Variants in MAP9 observed in about 807,000 individuals in gnomAD.
The protein encoded by MAP9 is microtubule associated protein 9.
A neutral mutation model predicts 75.2 loss-of-function variants in MAP9; 80 were observed. That is an observed-to-expected ratio of 1.06 (90% CI 0.89 to 1.28). MAP9 has a LOEUF of 1.28. MAP9 is among the 50% of genes most tolerant of loss of function. MAP9 has a pLI of 0.00. For synonymous variants in MAP9, 235 were observed against 237.3 expected, an observed-to-expected ratio of 0.99 and a Z score of 0.09; for missense variants, 753 against 719.9, an observed-to-expected ratio of 1.05 and a Z score of -0.53.
At chr4:155,370,585 A>G (rs1209413281) in intron 4 of MAP9, among the ~76,000 whole-genome samples, 1 of 152,132 alleles carries the variant, frequency 6.6e-6, no homozygotes, top group Non-Finnish European at 1.5e-5. Context: ...AAATGCTTGC[A>G]TGTCTTTTGA....
chr4:155,346,039 T>C lies in MAP9; in HGVS notation c.*1744A>G, dbSNP rs1224380165. ...ATAAAGTATTACAGTTCTGGCCATA[T>C]AGAAAGGGTTCTAGTTTTATCTATG... On this transcript the variant is annotated 3_prime_UTR_variant, in exon 14 of 14. Transcript: ENST00000311277. 2.6e-5 allele frequency: 4 copies of C among 152,196 alleles called. No homozygotes were observed. Among genetic ancestry groups the C allele is most frequent in the Non-Finnish European group, 5.9e-5 (4 of 68,032 alleles). The allele number at this position is 152,196 out of a possible 1,614,324, so 9.4% of individuals were successfully genotyped here. A position where few individuals can be genotyped will look rare whatever the true frequency, so the allele number is the denominator to read the frequency against.
rs1214000407 is a variant in MAP9 at position 155,346,627 on chromosome 4, C to G, written c.*1156G>C. ...TAAGATGAAGCCGGTAACACCTACC[C>G]TGAAAAGTTGTTGTAAAGATGTTAA... On this transcript the variant is annotated 3_prime_UTR_variant, in exon 14 of 14. Coordinates refer to ENST00000311277, the MANE Select transcript of MAP9 (RefSeq NM_001039580.2). 1 of 152,454 alleles carries G rather than the reference C, an allele frequency of 6.6e-6. No homozygotes were observed. The highest frequency in any genetic ancestry group is 1.5e-5 in the Non-Finnish European group (1 of 68,022). 9.4% of individuals were successfully genotyped at this position (152,454 alleles called of 1,614,324 possible). A position where few individuals can be genotyped will look rare whatever the true frequency, so the allele number is the denominator to read the frequency against.
At chr4:155,368,416 TC>T (rs1189583149) in intron 5 of MAP9, 169 bp downstream of exon 5, 3 of 638,268 alleles carry the variant, frequency 4.7e-6, no homozygotes, top group Non-Finnish European at 8.4e-6. Flanking sequence ...AGTTTTAGAC[TC>T]GGTGGAATAC....
chr4:155,364,839 G>A (rs1400658251), intron 5 of MAP9, among the ~76,000 whole-genome samples: 2 of 151,378 alleles, frequency 1.3e-5, no homozygotes, highest in Non-Finnish European at 3.0e-5. Context: ...GATATATTCT[G>A]TAATCCACTG....
chr4:155,357,525 A>G lies in MAP9; in HGVS notation c.1051-6T>C. 6.8e-7 allele frequency: 1 copy of G among 1,466,858 alleles called. No individual in the cohort carries two copies. The allele number at this position is 1,466,858 out of a possible 1,614,324, so 90.9% of individuals were successfully genotyped here. ...TTTCTATCTTCAATTGTTTTCTATT[A>G]AACAGAAAATGCCAAAGATGATTTA... On this transcript the variant is annotated splice_region_variant and splice_polypyrimidine_tract_variant and intron_variant, in intron 7 of 13. Coordinates refer to ENST00000311277, the MANE Select transcript of MAP9 (RefSeq NM_001039580.2).
chr4:155,355,895 C>A lies in MAP9; in HGVS notation c.1122-11G>T, dbSNP rs1236259714. ...TCAGAGGTCATTAATCTGAAAAGAT[C>A]CAAATGAATCAAGACAAAATATTAC... On this transcript the variant is annotated splice_polypyrimidine_tract_variant and intron_variant, in intron 8 of 13. Coordinates refer to ENST00000311277, the MANE Select transcript of MAP9 (RefSeq NM_001039580.2). The A allele has an allele frequency of 2.5e-6, 4 of 1,602,348 alleles. No individual in the cohort carries two copies. The highest frequency in any genetic ancestry group is 3.4e-6 in the Non-Finnish European group (4 of 1,172,300).
intron 9 of MAP9, 137 bp from the exon 10 acceptor site, chr4:155,355,297 A>G: frequency 2.7e-6 from 1 of 363,750 alleles, no homozygotes; most frequent in Non-Finnish European, 4.9e-6. Flanking sequence ...AAGACAAAAA[A>G]AGACTTTTAG....
chr4:155,348,202 C>T (rs1461326573), intron 13 of MAP9, among the ~76,000 whole-genome samples: 3 of 151,258 alleles, frequency 2.0e-5, no homozygotes, highest in East Asian at 2.0e-4. Context: ...CCAGGTGTGG[C>T]GGTGCATGCC....
chr4:155,353,454 CATT>C (rs33994283), intron 10 of MAP9, 114 bp from the exon 11 acceptor site: 473,235 of 851,336 alleles, frequency 0.56, 135,886 homozygotes, highest in East Asian at 0.81. Flanking sequence ...CTCTGATATT[CATT>C]ATACTTAGAA....
chr4:155,366,727 C>T (rs894012136), intron 5 of MAP9, among the ~76,000 whole-genome samples: 4 of 152,154 alleles, frequency 2.6e-5, no homozygotes, highest in Non-Finnish European at 4.4e-5. Context: ...AATGGACAAA[C>T]TTCTTGATAG....
intron 13 of MAP9, among the ~76,000 whole-genome samples, chr4:155,348,626 C>A (rs1396417271): frequency 6.6e-6 from 1 of 152,098 alleles, no homozygotes; most frequent in Non-Finnish European, 1.5e-5. Context: ...GTTAAAAATT[C>A]TGCCTCATGT....
intron 2 of MAP9, among the ~76,000 whole-genome samples, chr4:155,375,501 C>T (rs549714135): frequency 3.0e-4 from 45 of 151,668 alleles, no homozygotes; most frequent in African/African-American, 1.1e-3. Flanking sequence ...TATGTTACAA[C>T]AGAAAAAAAA....
At chr4:155,350,256 A>G (rs1731456000) in intron 13 of MAP9, 3 of 454,700 alleles carry the variant, frequency 6.6e-6, no homozygotes, top group African/African-American at 2.0e-5. Context: ...ACAAATTTCA[A>G]TAAGAATTTG....
intron 4 of MAP9, among the ~76,000 whole-genome samples, chr4:155,369,395 T>C (rs933591396): frequency 2.8e-4 from 42 of 148,328 alleles, no homozygotes; most frequent in African/African-American, 1.0e-3. Flanking sequence ...ACAGTTGTCA[T>C]CCTGAAAGTA....
chr4:155,362,142 C>A lies in MAP9; in HGVS notation c.709-1G>T. On this transcript the variant is annotated splice_acceptor_variant, in intron 5 of 13. Coordinates refer to ENST00000311277, the MANE Select transcript of MAP9 (RefSeq NM_001039580.2). LOFTEE classifies it high-confidence loss of function. ...ATGCTAGACTTGTTAAGCATGAATCCTGTTTTCGCAAAAAAAAATACATTT... is the reference window on the plus strand; with the variant it reads ...ATGCTAGACTTGTTAAGCATGAATCATGTTTTCGCAAAAAAAAATACATTT... 1 of 1,538,920 alleles carries A rather than the reference C, an allele frequency of 6.5e-7. No individual in the cohort carries two copies. Among genetic ancestry groups the A allele is most frequent in the Non-Finnish European group, 8.8e-7 (1 of 1,140,686 alleles).
chr4:155,363,644 A>G (rs1732191130), intron 5 of MAP9, among the ~76,000 whole-genome samples: 1 of 152,176 alleles, frequency 6.6e-6, no homozygotes, highest in Admixed American at 6.5e-5. Context: ...ATTCACCTGG[A>G]AAACACACAT....
intron 6 of MAP9, among the ~76,000 whole-genome samples, chr4:155,361,624 G>C (rs767715855): frequency 6.6e-6 from 1 of 151,950 alleles, no homozygotes; most frequent in Non-Finnish European, 1.5e-5. Context: ...GGGTCAGAAA[G>C]GTTAGTTACT....
chr4:155,370,989 CAA>C (rs375275996), intron 4 of MAP9, among the ~76,000 whole-genome samples: 9 of 152,188 alleles, frequency 5.9e-5, no homozygotes, highest in African/African-American at 2.2e-4. Context: ...GTCTCATGCC[CAA>C]AGTCACAAAC....
Position 155,375,016 on chromosome 4 carries a change from C to T in MAP9, c.81G>A (p.Glu27=). The T allele has an allele frequency of 1.3e-6, 2 of 1,568,778 alleles. No individual in the cohort carries two copies. The highest frequency in any genetic ancestry group is 1.2e-5 in the South Asian group (1 of 86,312). Reference sequence around the variant, plus strand: ...AGCGAGCTGTAATTGCTCTTATTAGCTCATCCTGAAATGAGATACTGAAAT... The same window carrying T: ...AGCGAGCTGTAATTGCTCTTATTAGTTCATCCTGAAATGAGATACTGAAAT... The part of the protein sequence containing the change: ...KVTKRTTFQD[E]LIRAITARSA... Residue 27 remains glutamate (E), a synonymous_variant, in exon 3 of 14, where the codon GAG becomes GAA. Transcript: ENST00000311277.
Sources: gnomAD v4.1 joint callset for allele counts (sites outside exome capture counted in the v4.1 genomes callset) on GRCh38, gnomAD v4.1.1 for gene constraint, MANE v1.5 for transcripts, NCBI Gene and HGNC (gene_info 2026-07-23, HGNC 2026-07-21) for gene names.